The following TRIM37 variants were observed in gnomAD, a reference collection of about 807,000 sequenced individuals.
The protein encoded by TRIM37 is tripartite motif containing 37.
Under a neutral mutation model 129.8 loss-of-function variants are expected in TRIM37, and 80 were observed. That is an observed-to-expected ratio of 0.62 (90% CI 0.51 to 0.74). The LOEUF is 0.74. TRIM37 is among the 30% of genes least tolerant of loss of function. The pLI is 0.00. For synonymous variants in TRIM37, 389 were observed against 387.1 expected, an observed-to-expected ratio of 1.00 and a Z score of -0.06; for missense variants, 1,054 against 1,176.5, an observed-to-expected ratio of 0.90 and a Z score of 1.52.
Position 59,041,849 on chromosome 17 carries a change from C to T in TRIM37, c.1717G>A (p.Glu573Lys), listed in dbSNP as rs772023474. Reference protein sequence around the residue: ...EYNNMELEEGELMEDAAAAGP... With the variant: ...EYNNMELEEGKLMEDAAAAGP... ...GCAGCAGCTGCATCTTCCATGAGTT[C>T]TCCCTCTTCTAATTCCATGTTGTTA... Residue 573 changes from glutamate (E) to lysine (K), a missense_variant, in exon 17 of 24, where the codon GAA becomes AAA. Glu to Lys is a moderately conservative substitution (Grantham distance 56). Transcript: ENST00000262294. The T allele has an allele frequency of 6.8e-6, 11 of 1,613,930 alleles. No individual in the cohort carries two copies. Among genetic ancestry groups the T allele is most frequent in the Admixed American group, 5.0e-5 (3 of 60,010 alleles).
intron 7 of TRIM37, among the ~76,000 whole-genome samples, chr17:59,077,393 A>C (rs950111008): frequency 1.3e-5 from 2 of 152,156 alleles, no homozygotes; most frequent in Non-Finnish European, 2.9e-5. Flanking sequence ...AGGTTGCAAA[A>C]AGAGTTAAAA....
At position 59,062,675 on chromosome 17, in the gene TRIM37, C is replaced by T. The variant is rs763202803; in HGVS notation, c.861-27G>A. 20 of 1,598,326 alleles carry T rather than the reference C, an allele frequency of 1.3e-5. No individual in the cohort carries two copies. In the South Asian group the frequency reaches 1.8e-4, roughly 14 times the overall value. ...TAACGAAAAAGAAAACCAACCAAATCCCAAGATCAAAACTGTTGTGAAATG... is the reference window on the plus strand; with the variant it reads ...TAACGAAAAAGAAAACCAACCAAATTCCAAGATCAAAACTGTTGTGAAATG... On this transcript the variant is annotated intron_variant, in intron 10 of 23. Coordinates refer to ENST00000262294, the MANE Select transcript of TRIM37 (RefSeq NM_015294.6).
At position 59,062,652 on chromosome 17, in the gene TRIM37, A is replaced by T. The variant is rs768711340; in HGVS notation, c.861-4T>A. 3 of 1,613,868 alleles carry T rather than the reference A, an allele frequency of 1.9e-6. No individual in the cohort carries two copies. In the South Asian group the frequency reaches 3.3e-5, roughly 18 times the overall value. On this transcript the variant is annotated splice_region_variant and splice_polypyrimidine_tract_variant and intron_variant, in intron 10 of 23. Transcript: ENST00000262294. The stretch of plus-strand genomic sequence containing the variant: ...ATCTGCTCTCTGACGCAAAGTGCTA[A>T]CGAAAAAGAAAACCAACCAAATCCC...
At chr17:58,971,093 C>G in the TRIM37 span, among the ~76,000 whole-genome samples, 398 of 152,186 alleles carry the variant, frequency 2.6e-3, 1 homozygote, top group Non-Finnish European at 3.6e-3. Context: ...TTTTCTCCTT[C>G]TTATGCTTCC....
At chr17:59,037,069 C>T (rs1322617497) in intron 17 of TRIM37, among the ~76,000 whole-genome samples, 2 of 151,958 alleles carry the variant, frequency 1.3e-5, no homozygotes, top group South Asian at 2.1e-4. Context: ...GAGCCGAGAT[C>T]GTGCCATTGC....
At chr17:59,086,845 A>G (rs1203339526) in intron 4 of TRIM37, among the ~76,000 whole-genome samples, 1 of 152,222 alleles carries the variant, frequency 6.6e-6, no homozygotes, top group African/African-American at 2.4e-5. Flanking sequence ...AAGAAAGACT[A>G]GCAGGTTAGC....
intron 10 of TRIM37, 110 bp downstream of exon 10, chr17:59,064,245 T>C: frequency 1.2e-6 from 1 of 834,400 alleles, no homozygotes; most frequent in Non-Finnish European, 1.9e-6. Context: ...CTTCTAAGAC[T>C]TCTAAAGTGA....
chr17:59,028,629 T>C lies in TRIM37; in HGVS notation c.2043A>G (p.Gln681=), dbSNP rs1187835809. ...DLKMLKRLKT[Q]MAEVRCMKTD... ...TTTTCATACATCGAACTTCGGCCAT[T>C]TGAGTTTTGAGTCTTTTTAGCATCT... is the stretch of plus-strand genomic sequence containing the variant. The change falls in exon 19 of 24, where the codon CAA becomes CAG. Residue 681 remains glutamine (Q), a synonymous_variant. Transcript: ENST00000262294. 3 of 1,614,202 alleles carry C rather than the reference T, an allele frequency of 1.9e-6. No homozygotes were observed. The highest frequency in any genetic ancestry group is 2.2e-5 in the East Asian group (1 of 44,878).
At chr17:58,976,947 T>C in the TRIM37 span, among the ~76,000 whole-genome samples, 3 of 152,198 alleles carry the variant, frequency 2.0e-5, no homozygotes, top group African/African-American at 7.2e-5. Flanking sequence ...ATGGGAACTT[T>C]AGTAAATTGG....
At chr17:59,042,439 A>ATATATATATAT (rs1184637891) in intron 16 of TRIM37, among the ~76,000 whole-genome samples, 32 of 82,064 alleles carry the variant, frequency 3.9e-4, no homozygotes, top group African/African-American at 1.8e-3. Context: ...TTTAAAAAAA[A>ATATATATATAT]AAAAAAAAAA....
At chr17:59,071,147 TATACTTA>T (rs1300283428) in intron 8 of TRIM37, among the ~76,000 whole-genome samples, 200 bp from the exon 9 acceptor site, 2 of 152,178 alleles carry the variant, frequency 1.3e-5, no homozygotes, top group Non-Finnish European at 2.9e-5. Flanking sequence ...AATGAATAAG[TATACTTA>T]ATACTAATGC....
In TRIM37 at chr17:59,041,824, G is replaced by A. The variant is rs769024764; in HGVS notation, c.1742C>T (p.Ala581Val). Residue 581 changes from alanine to valine, a missense_variant, in exon 17 of 24, where the codon GCA (alanine) becomes GTA (valine). By Grantham distance (64) the Ala-to-Val change is moderately conservative. This residue lies in a region of TRIM37 where 752 missense variants were observed against 870.8 expected (regional missense o/e 0.86). Coordinates refer to ENST00000262294, the MANE Select transcript of TRIM37 (RefSeq NM_015294.6). ...AGTGACCTCATTACCTGCGGGTCCTGCAGCAGCTGCATCTTCCATGAGTTC... is the reference window on the plus strand; with the variant it reads ...AGTGACCTCATTACCTGCGGGTCCTACAGCAGCTGCATCTTCCATGAGTTC... ...EGELMEDAAA[A>V]GPAGSSHGYV... 3.1e-6 allele frequency: 5 copies of A among 1,613,448 alleles called. No individual in the cohort carries two copies. The African/African-American group carries it at 4.0e-5, about 13-fold the overall frequency.
intron 19 of TRIM37, among the ~76,000 whole-genome samples, chr17:59,023,583 A>G (rs2036871668): frequency 6.6e-6 from 1 of 152,136 alleles, no homozygotes; most frequent in African/African-American, 2.4e-5. Context: ...TGAACCCAGG[A>G]GGCGGAGCTT....
chr17:59,010,623 G>C (rs2035135742), intron 22 of TRIM37, among the ~76,000 whole-genome samples: 1 of 151,880 alleles, frequency 6.6e-6, no homozygotes, highest in African/African-American at 2.4e-5. Flanking sequence ...CTCCCAAGTA[G>C]CTGGGATTAC....
chr17:59,025,841 C>T (rs1459188956), intron 19 of TRIM37, among the ~76,000 whole-genome samples: 1 of 152,122 alleles, frequency 6.6e-6, no homozygotes, highest in Non-Finnish European at 1.5e-5. Flanking sequence ...TTTAATATAC[C>T]ATTTGGTTTA....
At chr17:59,055,297 T>C (rs1448415468) in intron 13 of TRIM37, among the ~76,000 whole-genome samples, 1 of 130,346 alleles carries the variant, frequency 7.7e-6, no homozygotes, top group East Asian at 2.3e-4. Context: ...GATCGCGCCA[T>C]TGCGCTCCAG....
chr17:59,098,243 A>C (rs1241476291), intron 2 of TRIM37, among the ~76,000 whole-genome samples: 1 of 152,218 alleles, frequency 6.6e-6, no homozygotes, highest in Non-Finnish European at 1.5e-5. Context: ...ATGAGAATTT[A>C]TTGTTTATCA....
In TRIM37 at chr17:59,061,205, A is replaced by C. The variant is rs2041461156; in HGVS notation, c.943-97T>G. On this transcript the variant is annotated intron_variant, in intron 11 of 23. Transcript: ENST00000262294. ...ATATCTAGATTGAGAAGTACTTCTA[A>C]GCCTCAAAGCAATGGAAGAAATAAT... is the stretch of plus-strand genomic sequence containing the variant. The C allele has an allele frequency of 2.0e-5, 18 of 918,466 alleles. No individual in the cohort carries two copies. The South Asian group carries it at 2.1e-4, about 11-fold the overall frequency. The allele number at this position is 918,466 out of a possible 1,614,324, so 56.9% of individuals were successfully genotyped here.
intron 16 of TRIM37, among the ~76,000 whole-genome samples, chr17:59,044,893 T>C (rs2039615217): frequency 6.6e-6 from 1 of 151,942 alleles, no homozygotes; most frequent in Non-Finnish European, 1.5e-5. Flanking sequence ...ATGAGCCGAG[T>C]GTGATGATGC....
Sources: gnomAD v4.1 joint callset for allele counts (sites outside exome capture counted in the v4.1 genomes callset) on GRCh38, gnomAD v4.1.1 for gene constraint, gnomAD v4.1.1 regional missense constraint, MANE v1.5 for transcripts, NCBI Gene and HGNC (gene_info 2026-07-23, HGNC 2026-07-21) for gene names.